Variants in PLCXD3 observed in about 807,000 individuals in gnomAD.
PLCXD3 encodes the protein PI-PLC X domain-containing protein 3.
Under a neutral mutation model 25.5 loss-of-function variants are expected in PLCXD3, and 19 were observed. The ratio of observed to expected loss-of-function variants is 0.75; its 90% CI spans 0.52 to 1.09. The LOEUF is 1.09. Ranked by LOEUF, PLCXD3 falls within the 50% of genes least tolerant of loss-of-function variation. The pLI, the probability that PLCXD3 is intolerant of heterozygous loss-of-function variation, is 0.00. For missense variants in PLCXD3, 411 were observed against 388.1 expected (o/e 1.06, Z -0.50); for synonymous variants, 174 against 137.6 (o/e 1.26, Z -1.85).
At position 41,381,983 on chromosome 5, in the gene PLCXD3, T is replaced by A. The variant is rs761627090; in HGVS notation, c.655A>T (p.Thr219Ser). ...TGGATCAGTTTCTCGGGGTCTGTGG[T>A]GTTGGCCCAGGGTGCTGGCATCATC... The part of the protein sequence containing the change: ...GQMMPAPWAN[T>S]TDPEKLIQFL... Residue 219 changes from threonine to serine, a missense_variant, in exon 2 of 3, where the codon ACC becomes TCC. Transcript: ENST00000377801. The A allele has an allele frequency of 6.2e-7, 1 of 1,613,380 alleles. No homozygotes were observed. The highest frequency in any genetic ancestry group is 1.3e-5 in the African/African-American group (1 of 74,858).
At chr5:41,462,276 A>T (rs1747903016) in intron 1 of PLCXD3, among the ~76,000 whole-genome samples, 1 of 152,060 alleles carries the variant, frequency 6.6e-6, no homozygotes, top group Non-Finnish European at 1.5e-5. Flanking sequence ...CAGATTGCCA[A>T]GAGAACAGAA....
At chr5:41,455,376 C>G (rs1747729648) in intron 1 of PLCXD3, among the ~76,000 whole-genome samples, 2 of 151,864 alleles carry the variant, frequency 1.3e-5, no homozygotes. Flanking sequence ...GTTTCAGCAG[C>G]TGAAACCATC....
chr5:41,469,264 T>A (rs1173730802), intron 1 of PLCXD3, among the ~76,000 whole-genome samples: 2 of 152,202 alleles, frequency 1.3e-5, no homozygotes, highest in Admixed American at 6.5e-5. Flanking sequence ...AATGTATTTT[T>A]AAATTTGGTT....
chr5:41,475,709 A>AGTTT (rs1237229043), intron 1 of PLCXD3: 1 of 534,642 alleles, frequency 1.9e-6, no homozygotes, highest in Non-Finnish European at 3.8e-6. Context: ...TCACTACGAC[A>AGTTT]GTTACTACTT....
Position 41,308,472 on chromosome 5 carries a change from A to T in PLCXD3, c.*5145T>A. The T allele has an allele frequency of 6.6e-6, 1 of 152,292 alleles. No homozygotes were observed. The highest frequency in any genetic ancestry group is 1.5e-5 in the Non-Finnish European group (1 of 67,998). The allele number at this position is 152,292 out of a possible 1,614,324, so 9.4% of individuals were successfully genotyped here. A position where few individuals can be genotyped will look rare whatever the true frequency, so the allele number is the denominator to read the frequency against. ...TAATTAATATTCTGTAATCAGATCC[A>T]AGCCCAAAGAAGGTCACAGAATTTT... is the stretch of plus-strand genomic sequence containing the variant. On this transcript the variant is annotated 3_prime_UTR_variant, in exon 3 of 3. Transcript: ENST00000377801.
rs1745992897 is a variant in PLCXD3 at position 41,396,009 on chromosome 5, A to T, written c.104-13475T>A. On this transcript the variant is annotated intron_variant, in intron 1 of 2. Coordinates refer to ENST00000377801, the MANE Select transcript of PLCXD3 (RefSeq NM_001005473.3). Reference sequence around the variant, plus strand: ...GACAAAGGCCCATCAAAGAAAAAAAAAAAACCACAAAACAAAACAAAAAAC... The same window carrying T: ...GACAAAGGCCCATCAAAGAAAAAAATAAAACCACAAAACAAAACAAAAAAC... Among the ~76,000 whole-genome samples, 2 of 151,778 alleles carry T rather than the reference A, an allele frequency of 1.3e-5. 1 individual carries two copies. Among genetic ancestry groups the T allele is most frequent in the Admixed American group, 1.3e-4 (2 of 15,244 alleles).
At chr5:41,341,249 G>A (rs748300834) in intron 2 of PLCXD3, among the ~76,000 whole-genome samples, 6 of 152,054 alleles carry the variant, frequency 3.9e-5, no homozygotes, top group Admixed American at 6.6e-5. Context: ...CATCAATATC[G>A]CATGTCTACA....
intron 2 of PLCXD3, among the ~76,000 whole-genome samples, chr5:41,337,821 T>C (rs1744028008): frequency 6.6e-6 from 1 of 152,204 alleles, no homozygotes; most frequent in Non-Finnish European, 1.5e-5. Context: ...AGTGACCTTA[T>C]GAAGTCAGAA....
intron 2 of PLCXD3, among the ~76,000 whole-genome samples, chr5:41,351,616 T>C (rs1744461776): frequency 6.6e-6 from 1 of 152,178 alleles, no homozygotes; most frequent in Non-Finnish European, 1.5e-5. Context: ...TGGCTTGTGG[T>C]CTTCAGTTTT....
chr5:41,401,555 A>G (rs1746186876), intron 1 of PLCXD3, among the ~76,000 whole-genome samples: 1 of 152,026 alleles, frequency 6.6e-6, no homozygotes, highest in Non-Finnish European at 1.5e-5. Flanking sequence ...CGATTTCTCT[A>G]TATGCCAGCA....
intron 2 of PLCXD3, among the ~76,000 whole-genome samples, chr5:41,321,174 TATG>T (rs886604438): frequency 6.6e-6 from 1 of 152,178 alleles, no homozygotes; most frequent in African/African-American, 2.4e-5. Context: ...TTGCAGATGA[TATG>T]ATCTTATATT....
intron 1 of PLCXD3, among the ~76,000 whole-genome samples, chr5:41,476,270 G>A (rs1191730952): frequency 6.6e-6 from 1 of 152,130 alleles, no homozygotes; most frequent in Non-Finnish European, 1.5e-5. Flanking sequence ...TCCTTAGAAA[G>A]GCTTTATTAC....
chr5:41,409,901 T>A (rs1746467411), intron 1 of PLCXD3, among the ~76,000 whole-genome samples: 2 of 152,182 alleles, frequency 1.3e-5, no homozygotes, highest in Non-Finnish European at 2.9e-5. Context: ...GTATTAACTT[T>A]TATTATCACC....
At position 41,444,732 on chromosome 5, in the gene PLCXD3, G is replaced by A. The variant is rs113391326; in HGVS notation, c.104-62198C>T. 3.8e-3 allele frequency among the ~76,000 whole-genome samples: 576 copies of A among 152,224 alleles called. 7 individuals are homozygous for A. The highest frequency in any genetic ancestry group is 0.012 in the African/African-American group (484 of 41,538). On this transcript the variant is annotated intron_variant, in intron 1 of 2. Coordinates refer to ENST00000377801, the MANE Select transcript of PLCXD3 (RefSeq NM_001005473.3). ...AATCCCACTTTAAATGGGTACCATA[G>A]GCTGAATCCCACTAATTGTGCAAGC...
At chr5:41,412,355 A>G (rs1410655076) in intron 1 of PLCXD3, among the ~76,000 whole-genome samples, 1 of 151,902 alleles carries the variant, frequency 6.6e-6, no homozygotes, top group Non-Finnish European at 1.5e-5. Context: ...GTTTCGAGTT[A>G]TCTCTTTTAT....
intron 1 of PLCXD3, among the ~76,000 whole-genome samples, chr5:41,430,110 C>T (rs1747060954): frequency 6.6e-6 from 1 of 152,150 alleles, no homozygotes; most frequent in Non-Finnish European, 1.5e-5. Flanking sequence ...GTTGCTTAAC[C>T]TCTCTGTGCT....
chr5:41,444,394 C>A lies in PLCXD3; in HGVS notation c.104-61860G>T, dbSNP rs576122763. Among the ~76,000 whole-genome samples, 3 of 152,260 alleles carry A rather than the reference C, an allele frequency of 2.0e-5. No homozygotes were observed. The East Asian group carries it at 5.8e-4, about 29-fold the overall frequency. On this transcript the variant is annotated intron_variant, in intron 1 of 2. Transcript: ENST00000377801. ...CATAGAGTCACATTTTTGGGTTGGG[C>A]TAGAGGGGCTCATTCAGTGCTCCTC... is the stretch of plus-strand genomic sequence containing the variant.
chr5:41,460,462 G>A (rs185480912), intron 1 of PLCXD3, among the ~76,000 whole-genome samples: 2 of 151,962 alleles, frequency 1.3e-5, no homozygotes, highest in East Asian at 1.9e-4. Flanking sequence ...TTAGAGTGAG[G>A]GCTGTCAAAT....
intron 1 of PLCXD3, among the ~76,000 whole-genome samples, chr5:41,499,638 T>C (rs1467689836): frequency 1.3e-4 from 19 of 151,400 alleles, no homozygotes; most frequent in Admixed American, 1.3e-3. Flanking sequence ...AGAGAAAAAA[T>C]AATCCTAAAT....
Sources: gnomAD v4.1 joint callset for allele counts (sites outside exome capture counted in the v4.1 genomes callset) on GRCh38, gnomAD v4.1.1 for gene constraint, MANE v1.5 for transcripts, NCBI Gene and HGNC (gene_info 2026-07-23, HGNC 2026-07-21) for gene names.